FOXP1: variants seen among roughly 807,000 people sequenced by gnomAD.
The protein encoded by FOXP1 is forkhead box protein P1.
In FOXP1, 15 loss-of-function variants were observed where a neutral mutation model predicts 98.2. The ratio of observed to expected loss-of-function variants is 0.15; its 90% CI spans 0.10 to 0.24. FOXP1 has a LOEUF of 0.24. FOXP1 is among the 10% of genes least tolerant of loss of function. FOXP1 has a pLI of 1.00. For synonymous variants in FOXP1, 371 were observed against 314.5 expected (o/e 1.18, Z -1.90); for missense variants, 633 against 848.5 (o/e 0.75, Z 3.15).
rs1309394006 is a variant in FOXP1 at position 70,977,992 on chromosome 3, G to A, written c.1184C>T (p.Ala395Val). The A allele has an allele frequency of 2.5e-6, 4 of 1,614,150 alleles. No individual in the cohort carries two copies. The highest frequency in any genetic ancestry group is 2.2e-5 in the South Asian group (2 of 91,084). The stretch of plus-strand genomic sequence containing the variant: ...TAAGCTCTGTGGAGAAGCCTCCGAT[G>A]CGGACTTGGAGAGAGTGACACTTGA... Reference protein sequence around the residue: ...LVSSVTLSKSASEASPQSLPH... With the variant: ...LVSSVTLSKSVSEASPQSLPH... The change falls in exon 15 of 21, where the codon GCA becomes GTA. Residue 395 changes from alanine (A) to valine (V), a missense_variant. This residue lies in a region of FOXP1 where 141 missense variants were observed against 199.5 expected (regional missense o/e 0.71). Transcript: ENST00000649528.
At chr3:71,087,535 G>A (rs1267488075) in intron 7 of FOXP1, among the ~76,000 whole-genome samples, 1 of 152,212 alleles carries the variant, frequency 6.6e-6, no homozygotes, top group Non-Finnish European at 1.5e-5. Flanking sequence ...TTCCTGTTGA[G>A]AGATGCCAGC....
Position 71,278,113 on chromosome 3 carries a change from G to A in FOXP1, c.-12+21707C>T, listed in dbSNP as rs76075255. ...TGGCTGGCCCCCTCTCTGTGCCTGC[G>A]GGAAACAGTAGCCCCTACGTAACCC... On this transcript the variant is annotated intron_variant, in intron 5 of 20. Coordinates refer to ENST00000649528, the MANE Select transcript of FOXP1 (RefSeq NM_001349338.3). 9.3e-3 allele frequency among the ~76,000 whole-genome samples: 1,420 copies of A among 152,168 alleles called. 24 individuals are homozygous for A. Among genetic ancestry groups the A allele is most frequent in the African/African-American group, 0.033 (1,359 of 41,530 alleles).
chr3:71,331,801 C>T (rs1441400979), intron 4 of FOXP1, among the ~76,000 whole-genome samples: 4 of 152,162 alleles, frequency 2.6e-5, no homozygotes, highest in African/African-American at 9.7e-5. Context: ...GTGTCTACCT[C>T]AAGGTTTGTC....
intron 5 of FOXP1, among the ~76,000 whole-genome samples, chr3:71,275,450 A>G (rs1381701828): frequency 6.6e-6 from 1 of 152,230 alleles, no homozygotes; most frequent in African/African-American, 2.4e-5. Context: ...GTGATCTAAC[A>G]GAGTCAACAA....
At chr3:71,155,994 T>A (rs2060804113) in intron 6 of FOXP1, among the ~76,000 whole-genome samples, 1 of 152,182 alleles carries the variant, frequency 6.6e-6, no homozygotes, top group African/African-American at 2.4e-5. Flanking sequence ...GGCCATGAAC[T>A]TCTTTGGTAA....
intron 2 of FOXP1, among the ~76,000 whole-genome samples, chr3:71,580,005 A>G (rs1335679283): frequency 6.6e-6 from 1 of 152,050 alleles, no homozygotes; most frequent in South Asian, 2.1e-4. Flanking sequence ...GCAATGGTCC[A>G]TTTCTGCATA....
In FOXP1 at chr3:70,959,239, C is replaced by G; in HGVS notation, c.*8G>C. On this transcript the variant is annotated 3_prime_UTR_variant, in exon 21 of 21. Transcript: ENST00000649528. Reference sequence around the variant, plus strand: ...ATCTTCATTCTCGGGGTTGGCCCGCCCCGATAGTCACTCCATGTCCTCGTT... The same window carrying G: ...ATCTTCATTCTCGGGGTTGGCCCGCGCCGATAGTCACTCCATGTCCTCGTT... 6.2e-7 allele frequency: 1 copy of G among 1,613,648 alleles called. No homozygotes were observed. The highest frequency in any genetic ancestry group is 1.1e-5 in the South Asian group (1 of 91,028).
intron 4 of FOXP1, among the ~76,000 whole-genome samples, chr3:71,312,720 C>T (rs760895277): frequency 1.3e-5 from 2 of 152,184 alleles, no homozygotes; most frequent in Non-Finnish European, 2.9e-5. Flanking sequence ...CACGGTGGCT[C>T]ATACCTGTAA....
chr3:71,040,626 T>C (rs774505520), intron 11 of FOXP1, among the ~76,000 whole-genome samples: 11 of 152,188 alleles, frequency 7.2e-5, no homozygotes, highest in Non-Finnish European at 1.5e-5. Flanking sequence ...GTAACATTCA[T>C]GTAAAGCCCA....
intron 11 of FOXP1, among the ~76,000 whole-genome samples, chr3:71,023,915 G>A (rs950889243): frequency 2.6e-5 from 4 of 152,174 alleles, no homozygotes; most frequent in African/African-American, 7.2e-5. Flanking sequence ...TGATCGCAAC[G>A]ACCTTTTCTA....
chr3:71,446,735 G>A (rs2108482876), intron 3 of FOXP1, among the ~76,000 whole-genome samples: 1 of 152,352 alleles, frequency 6.6e-6, no homozygotes. Context: ...CCATTGTTTA[G>A]ATGGGATGCA....
At chr3:71,550,730 T>G (rs1244722075) in intron 2 of FOXP1, among the ~76,000 whole-genome samples, 2 of 152,166 alleles carry the variant, frequency 1.3e-5, no homozygotes, top group African/African-American at 2.4e-5. Flanking sequence ...ACCCTTAAGA[T>G]CAGTCCATTA....
chr3:71,399,690 T>C (rs1389027359), intron 3 of FOXP1, among the ~76,000 whole-genome samples: 1 of 152,160 alleles, frequency 6.6e-6, no homozygotes, highest in Non-Finnish European at 1.5e-5. Context: ...ATCTCAACCT[T>C]TGAAAGGCAT....
chr3:71,081,804 T>A (rs2054451879), intron 7 of FOXP1, among the ~76,000 whole-genome samples: 1 of 152,168 alleles, frequency 6.6e-6, no homozygotes, highest in Admixed American at 6.5e-5. Flanking sequence ...AGCTAGATTT[T>A]GTCATTAACC....
At chr3:70,978,161 T>C in intron 14 of FOXP1, 132 bp from the exon 15 acceptor site, 1 of 748,888 alleles carries the variant, frequency 1.3e-6, no homozygotes, top group South Asian at 1.5e-5. Flanking sequence ...ATGTTTACCA[T>C]GAACCGAAAC....
intron 11 of FOXP1, among the ~76,000 whole-genome samples, chr3:71,020,544 T>G (rs910055350): frequency 6.6e-6 from 1 of 152,248 alleles, no homozygotes; most frequent in African/African-American, 2.4e-5. Context: ...TTCTCAACTC[T>G]GCTGTCTGCA....
chr3:70,971,309 A>C (rs2036185702), intron 18 of FOXP1: 1 of 189,014 alleles, frequency 5.3e-6, no homozygotes, highest in Non-Finnish European at 1.1e-5. Context: ...CCAACAGGCG[A>C]TGGAGAGTAG....
chr3:71,566,123 C>T (rs938620085), intron 2 of FOXP1, among the ~76,000 whole-genome samples: 15 of 152,156 alleles, frequency 9.9e-5, no homozygotes, highest in African/African-American at 3.4e-4. Flanking sequence ...AGATTCTGCC[C>T]GAGCCGCTCC....
At chr3:71,315,111 AG>A (rs113250720) in intron 4 of FOXP1, among the ~76,000 whole-genome samples, 2,890 of 141,262 alleles carry the variant, frequency 0.02, 126 homozygotes, top group African/African-American at 0.069. Flanking sequence ...AAAAAAAGAA[AG>A]AAAGAAAAAG....
Sources: gnomAD v4.1 joint callset for allele counts (sites outside exome capture counted in the v4.1 genomes callset) on GRCh38, gnomAD v4.1.1 for gene constraint, gnomAD v4.1.1 regional missense constraint, MANE v1.5 for transcripts, NCBI Gene and HGNC (gene_info 2026-07-23, HGNC 2026-07-21) for gene names.